Variants in PXN observed in about 807,000 individuals in gnomAD.
The protein encoded by PXN is paxillin, also known as testicular tissue protein Li 134.
A neutral mutation model predicts 103.6 loss-of-function variants in PXN; 61 were observed. The observed-to-expected ratio is 0.59, with a 90% confidence interval of 0.48 to 0.73. The LOEUF is 0.73. Ranked by LOEUF, PXN falls within the 30% of genes least tolerant of loss-of-function variation. The pLI is 0.00. For missense variants in PXN, 1,274 were observed against 1,460.3 expected (o/e 0.87, Z 2.08); for synonymous variants, 562 against 607.8 (o/e 0.92, Z 1.11).
rs112116762 is a variant in PXN, at chr12:120,216,934, C to A, written c.1899G>T (p.Ala633=). The change falls in exon 8 of 15, where the codon GCG becomes GCT. Residue 633 remains alanine (A), a synonymous_variant. Coordinates refer to ENST00000637617, the MANE Select transcript of PXN (RefSeq NM_001385981.1). This position sits in a 1 kb window ranked among gnomAD's most constrained non-coding sequence, Gnocchi z 5.1. ...GCCAGTCCTGGGCAGAGGGCCCCGC[C>A]GCCTCCGCCGGCTCCTCTGCCTCAG... The part of the protein sequence containing the change: ...IQPEAEEPAE[A]AGPSAQDWLT... 2.0e-6 allele frequency: 3 copies of A among 1,531,264 alleles called. No individual in the cohort carries two copies. Among genetic ancestry groups the A allele is most frequent in the Admixed American group, 2.0e-5 (1 of 50,718 alleles). 94.9% of individuals were successfully genotyped at this position (1,531,264 alleles called of 1,614,324 possible).
intron 1 of PXN, among the ~76,000 whole-genome samples, chr12:120,256,161 A>G (rs1892985485): frequency 6.6e-6 from 1 of 152,080 alleles, no homozygotes; most frequent in Admixed American, 6.6e-5. Flanking sequence ...TTATAATACC[A>G]GCACTTTGGA....
Position 120,219,107 on chromosome 12 carries a change from G to T in PXN, c.1716+100C>A. On this transcript the variant is annotated intron_variant, in intron 7 of 14. Transcript: ENST00000637617. This position sits in a 1 kb window ranked among gnomAD's most constrained non-coding sequence, Gnocchi z 6.5. ...TGTCTCAGCATTTTCTGCCCAAGCAGACATGCGCAGAGTGGGAGGCTGCAT... is the reference window on the plus strand; with the variant it reads ...TGTCTCAGCATTTTCTGCCCAAGCATACATGCGCAGAGTGGGAGGCTGCAT... 1 of 1,259,510 alleles carries T rather than the reference G, an allele frequency of 7.9e-7. No individual in the cohort carries two copies. Among genetic ancestry groups the T allele is most frequent in the Non-Finnish European group, 1.1e-6 (1 of 940,214 alleles). 78.0% of individuals were successfully genotyped at this position (1,259,510 alleles called of 1,614,324 possible). A position where few individuals can be genotyped will look rare whatever the true frequency, so the allele number is the denominator to read the frequency against.
At position 120,228,136 on chromosome 12, in the gene PXN, G is replaced by T. The variant is rs1887273231; in HGVS notation, c.14-3759C>A. The stretch of plus-strand genomic sequence containing the variant: ...ACCCTCCCTTCCCACATGCTGGGAG[G>T]ACAGATTCCAGACACGCTGCTCGGA... On this transcript the variant is annotated intron_variant, in intron 1 of 14. Coordinates refer to ENST00000637617, the MANE Select transcript of PXN (RefSeq NM_001385981.1). The surrounding 1 kb of genome is among the most constrained non-coding windows in gnomAD (Gnocchi z 4.7). Among the ~76,000 whole-genome samples the T allele has an allele frequency of 6.6e-6, 1 of 152,194 alleles. No individual in the cohort carries two copies. Among genetic ancestry groups the T allele is most frequent in the African/African-American group, 2.4e-5 (1 of 41,436 alleles).
At chr12:120,231,142 G>A (rs1238159946) in intron 1 of PXN, among the ~76,000 whole-genome samples, 2 of 152,158 alleles carry the variant, frequency 1.3e-5, no homozygotes, top group Non-Finnish European at 2.9e-5. Context: ...GCCCCTCAGC[G>A]GATCCTCTAA....
chr12:120,216,689 A>T lies in PXN; in HGVS notation c.1993-108T>A. The stretch of plus-strand genomic sequence containing the variant: ...CCCTGGGCCTTCCCACTCTGCACCA[A>T]GAGTGGGGCCAGTCTTCCAAAGTCA... On this transcript the variant is annotated intron_variant, in intron 8 of 14. Coordinates refer to ENST00000637617, the MANE Select transcript of PXN (RefSeq NM_001385981.1). This position sits in a 1 kb window ranked among gnomAD's most constrained non-coding sequence, Gnocchi z 5.1. The T allele has an allele frequency of 6.3e-7, 1 of 1,590,608 alleles. No individual in the cohort carries two copies. The highest frequency in any genetic ancestry group is 1.1e-5 in the South Asian group (1 of 89,954).
chr12:120,260,920 CAA>C (rs34042508), intron 1 of PXN, among the ~76,000 whole-genome samples: 4 of 151,610 alleles, frequency 2.6e-5, no homozygotes, highest in Non-Finnish European at 5.9e-5. Context: ...ACCCTGTCTC[CAA>C]AAAAAAGTGT....
Position 120,214,735 on chromosome 12 carries a change from G to A in PXN, c.2748+90C>T. The A allele has an allele frequency of 6.5e-7, 1 of 1,528,888 alleles. No homozygotes were observed. The highest frequency in any genetic ancestry group is 1.7e-5 in the Admixed American group (1 of 58,158). 94.7% of individuals were successfully genotyped at this position (1,528,888 alleles called of 1,614,324 possible). On this transcript the variant is annotated intron_variant, in intron 12 of 14. Coordinates refer to ENST00000637617, the MANE Select transcript of PXN (RefSeq NM_001385981.1). This position sits in a 1 kb window ranked among gnomAD's most constrained non-coding sequence, Gnocchi z 5.0. ...TGAGCCTCGGGCATGTGACCTCTCT[G>A]AGCCTCCCACGGCACCCCCTGCATC... is the stretch of plus-strand genomic sequence containing the variant.
At chr12:120,236,368 G>A (rs1889044671) in intron 1 of PXN, among the ~76,000 whole-genome samples, 2 of 152,016 alleles carry the variant, frequency 1.3e-5, no homozygotes, top group Admixed American at 1.3e-4. Flanking sequence ...CTGGAGGGTG[G>A]AATACAGTGG....
At chr12:120,257,986 A>T (rs949898742) in intron 1 of PXN, among the ~76,000 whole-genome samples, 9 of 152,138 alleles carry the variant, frequency 5.9e-5, no homozygotes, top group African/African-American at 1.9e-4. Flanking sequence ...TGAGGTCAGG[A>T]GTTCGAGACC....
rs753113994 is a variant in PXN at position 120,214,825 on chromosome 12, A to C, written c.2748T>G (p.Asp916Glu). Residue 916 changes from aspartate (D) to glutamate (E), a missense_variant and splice_region_variant, in exon 12 of 15, where the codon GAT becomes GAG. Around this residue, in one of 2 missense-constraint regions of PXN, gnomAD observed 1,178 missense variants for 1,309.0 expected, o/e 0.90. Coordinates refer to ENST00000637617, the MANE Select transcript of PXN (RefSeq NM_001385981.1). The surrounding 1 kb of genome is among the most constrained non-coding windows in gnomAD (Gnocchi z 5.0). Reference sequence around the variant, plus strand: ...GCGCGGTGCCGGATGAGGAACTCACATCCAGGATGGGGCCGTTGCAGTAGT... The same window carrying C: ...GCGCGGTGCCGGATGAGGAACTCACCTCCAGGATGGGGCCGTTGCAGTAGT... Reference protein sequence around the residue: ...RCYYCNGPILDKVVTALDRTW... With the variant: ...RCYYCNGPILEKVVTALDRTW... The C allele has an allele frequency of 6.2e-7, 1 of 1,613,858 alleles. No individual in the cohort carries two copies. Among genetic ancestry groups the C allele is most frequent in the Admixed American group, 1.7e-5 (1 of 60,012 alleles).
At position 120,215,257 on chromosome 12, in the gene PXN, T is replaced by G; in HGVS notation, c.2420A>C (p.Lys807Thr). Residue 807 changes from lysine (K) to threonine (T), a missense_variant, in exon 11 of 15, where the codon AAG becomes ACG. Transcript: ENST00000637617. The surrounding 1 kb of genome is among the most constrained non-coding windows in gnomAD (Gnocchi z 4.9). ...QDEGGFMAQG[K>T]TGSSSPPGGP... ...CCCAGGGGGTGAGCTGCTCCCTGTC[T>G]TCCCCTGGGCCATGAACTGTGGACA... The G allele has an allele frequency of 6.3e-7, 1 of 1,587,522 alleles. No individual in the cohort carries two copies. Among genetic ancestry groups the G allele is most frequent in the Non-Finnish European group, 8.6e-7 (1 of 1,167,990 alleles).
Position 120,222,439 on chromosome 12 carries a change from G to C in PXN, c.695+110C>G. On this transcript the variant is annotated intron_variant, in intron 5 of 14. Coordinates refer to ENST00000637617, the MANE Select transcript of PXN (RefSeq NM_001385981.1). This position sits in a 1 kb window ranked among gnomAD's most constrained non-coding sequence, Gnocchi z 4.7. ...ACTATCCCCCCAGTGCCTGGCAAAT[G>C]GCAGACACGGGAGGGAGTGGGTGAT... The C allele has an allele frequency of 2.4e-6, 3 of 1,241,572 alleles. No individual in the cohort carries two copies. The highest frequency in any genetic ancestry group is 3.3e-6 in the Non-Finnish European group (3 of 910,434). The allele number at this position is 1,241,572 out of a possible 1,614,324, so 76.9% of individuals were successfully genotyped here. A position where few individuals can be genotyped will look rare whatever the true frequency, so the allele number is the denominator to read the frequency against.
chr12:120,260,394 T>C (rs1305937048), intron 1 of PXN, among the ~76,000 whole-genome samples: 1 of 151,644 alleles, frequency 6.6e-6, no homozygotes, highest in Non-Finnish European at 1.5e-5. Flanking sequence ...CCCCAGCTAC[T>C]TGGGGGACTG....
chr12:120,248,300 C>A (rs1452007201), intron 1 of PXN, among the ~76,000 whole-genome samples: 12 of 151,974 alleles, frequency 7.9e-5, no homozygotes, highest in Admixed American at 7.9e-4. Flanking sequence ...CTGTCCACAG[C>A]CCCTAGACCT....
intron 1 of PXN, among the ~76,000 whole-genome samples, chr12:120,251,989 G>C (rs1448948318): frequency 6.6e-6 from 1 of 152,132 alleles, no homozygotes; most frequent in South Asian, 2.1e-4. Flanking sequence ...CCTATTTCAT[G>C]GATTAGGAGA....
At chr12:120,257,132 C>G (rs1893141103) in intron 1 of PXN, among the ~76,000 whole-genome samples, 1 of 152,184 alleles carries the variant, frequency 6.6e-6, no homozygotes, top group South Asian at 2.1e-4. Context: ...CTGGAGCTCC[C>G]TGGAGGGTTC....
At position 120,210,748 on chromosome 12, in the gene PXN, G is replaced by A. The variant is rs1448510840; in HGVS notation, c.*1566C>T. On this transcript the variant is annotated 3_prime_UTR_variant, in exon 15 of 15. Coordinates refer to ENST00000637617, the MANE Select transcript of PXN (RefSeq NM_001385981.1). ...ACCCCAGCACACTCGGCTTCTGCCA[G>A]GAGGCCAGTGGAGTGGTTTGGACTG... 1 of 152,738 alleles carries A rather than the reference G, an allele frequency of 6.5e-6. No homozygotes were observed. Among genetic ancestry groups the A allele is most frequent in the African/African-American group, 2.4e-5 (1 of 41,468 alleles). The allele number at this position is 152,738 out of a possible 1,614,324, so 9.5% of individuals were successfully genotyped here. A position where few individuals can be genotyped will look rare whatever the true frequency, so the allele number is the denominator to read the frequency against.
Position 120,226,090 on chromosome 12 carries a change from T to C in PXN, c.14-1713A>G, listed in dbSNP as rs1315638606. 8.0e-6 allele frequency: 9 copies of C among 1,124,238 alleles called. No homozygotes were observed. The Admixed American group carries it at 1.3e-4, about 16-fold the overall frequency. The allele number at this position is 1,124,238 out of a possible 1,614,324, so 69.6% of individuals were successfully genotyped here. On this transcript the variant is annotated intron_variant, in intron 1 of 14. Coordinates refer to ENST00000637617, the MANE Select transcript of PXN (RefSeq NM_001385981.1). ...GAACTAGAGGGAGTTGGTAGGTATCTAGGTAACGGCAGAAAAGGAACCAGT... is the reference window on the plus strand; with the variant it reads ...GAACTAGAGGGAGTTGGTAGGTATCCAGGTAACGGCAGAAAAGGAACCAGT...
At chr12:120,251,388 A>G (rs1207959771) in intron 1 of PXN, among the ~76,000 whole-genome samples, 1 of 138,396 alleles carries the variant, frequency 7.2e-6, no homozygotes, top group Non-Finnish European at 1.6e-5. Context: ...ATAGTGGCGC[A>G]TGCCTGTAAT....
Sources: gnomAD v4.1 joint callset for allele counts (sites outside exome capture counted in the v4.1 genomes callset) on GRCh38, gnomAD v4.1.1 for gene constraint, gnomAD v4.1.1 regional missense constraint, Gnocchi (gnomAD v3.1) non-coding constraint, MANE v1.5 for transcripts, NCBI Gene and HGNC (gene_info 2026-07-23, HGNC 2026-07-21) for gene names.